The following MRPL45 variants were observed in gnomAD, a reference collection of about 807,000 sequenced individuals.
MRPL45 encodes mitochondrial ribosomal protein L45.
In MRPL45, 20 loss-of-function variants were observed where a neutral mutation model predicts 38.1. The observed-to-expected ratio is 0.53, with a 90% CI of 0.37 to 0.76. MRPL45 has a LOEUF of 0.76. MRPL45 is among the 30% of genes least tolerant of loss of function. The pLI, the probability that MRPL45 is intolerant of heterozygous loss-of-function variation, is 0.00. For missense variants in MRPL45, 337 were observed against 395.6 expected, an observed-to-expected ratio of 0.85 and a Z score of 1.26; for synonymous variants, 105 against 128.8, an observed-to-expected ratio of 0.82 and a Z score of 1.25.
intron 4 of MRPL45, among the ~76,000 whole-genome samples, chr17:38,317,430 C>T (rs978790867): frequency 3.9e-5 from 6 of 152,142 alleles, no homozygotes; most frequent in African/African-American, 1.4e-4. Context: ...TTAAACTGCT[C>T]ATAGTAAACT....
At position 38,322,494 on chromosome 17, in the gene MRPL45, G is replaced by A. The variant is rs539624937; in HGVS notation, c.835-15G>A. ...GGGCTTGGTTGGTGGGTAACCTGGC[G>A]TCCTACTCTTTCAGACGGTGATGAT... On this transcript the variant is annotated splice_polypyrimidine_tract_variant and intron_variant, in intron 7 of 7. Coordinates refer to ENST00000613675, the MANE Select transcript of MRPL45 (RefSeq NM_032351.6). 154 of 1,611,310 alleles carry A rather than the reference G, an allele frequency of 9.6e-5. 3 individuals carry two copies. In the South Asian group the frequency reaches 1.4e-3, roughly 14 times the overall value.
Position 38,322,566 on chromosome 17 carries a change from G to A in MRPL45, c.892G>A (p.Gly298Arg). ...KPEEEYEEAQ[G>R]EAQKPQLA is the part of the protein sequence containing the mutation. ...AGAAGAAGAATATGAAGAGGCACAAGGAGAGGCCCAGAAGCCTCAGCTAGC... is the reference window on the plus strand; with the variant it reads ...AGAAGAAGAATATGAAGAGGCACAAAGAGAGGCCCAGAAGCCTCAGCTAGC... The change falls in exon 8 of 8, where the codon GGA (glycine) becomes AGA (arginine). Residue 298 changes from glycine to arginine, a missense_variant. Transcript: ENST00000613675. 3 of 1,613,420 alleles carry A rather than the reference G, an allele frequency of 1.9e-6. No individual in the cohort carries two copies. The highest frequency in any genetic ancestry group is 2.2e-5 in the East Asian group (1 of 44,896).
rs763509558 is a variant in MRPL45 at position 38,320,805 on chromosome 17, C to A, written c.660+38C>A. On this transcript the variant is annotated intron_variant, in intron 6 of 7. Coordinates refer to ENST00000613675, the MANE Select transcript of MRPL45 (RefSeq NM_032351.6). Reference sequence around the variant, plus strand: ...GTCTGCCTTCCTCCCAGCTTTTTTTCACTCTGAGCTTGGGCACCTCCCTCT... The same window carrying A: ...GTCTGCCTTCCTCCCAGCTTTTTTTAACTCTGAGCTTGGGCACCTCCCTCT... 3.1e-6 allele frequency: 5 copies of A among 1,609,198 alleles called. No homozygotes were observed. In the East Asian group the frequency reaches 1.1e-4, roughly 36 times the overall value.
At chr17:38,317,049 G>C (rs1402682252) in intron 4 of MRPL45, among the ~76,000 whole-genome samples, 2 of 152,114 alleles carry the variant, frequency 1.3e-5, no homozygotes, top group East Asian at 3.9e-4. Context: ...GCCCACCTTG[G>C]CCTCCCAAAG....
chr17:38,310,977 A>T (rs1390974065), intron 4 of MRPL45, among the ~76,000 whole-genome samples: 1 of 152,162 alleles, frequency 6.6e-6, no homozygotes, highest in Admixed American at 6.6e-5. Context: ...TATTTTAAAA[A>T]TTATAAGATT....
At chr17:38,311,853 G>C (rs2144222984) in intron 4 of MRPL45, among the ~76,000 whole-genome samples, 1 of 152,148 alleles carries the variant, frequency 6.6e-6, no homozygotes, top group East Asian at 1.9e-4. Flanking sequence ...AGAAATAAAT[G>C]TTGTTTATAA....
intron 3 of MRPL45, among the ~76,000 whole-genome samples, chr17:38,302,620 G>A (rs1395934707): frequency 1.3e-5 from 2 of 151,048 alleles, no homozygotes; most frequent in East Asian, 3.9e-4. Context: ...AGAGTATAAA[G>A]GGGTGTCAGA....
intron 6 of MRPL45, among the ~76,000 whole-genome samples, chr17:38,321,367 AGAATTCC>A (rs1398149085): frequency 6.6e-6 from 1 of 152,222 alleles, no homozygotes; most frequent in Non-Finnish European, 1.5e-5. Flanking sequence ...TCCTAGATTC[AGAATTCC>A]GAGATAACTT....
chr17:38,303,559 G>A (rs1190495822), intron 3 of MRPL45, among the ~76,000 whole-genome samples: 2 of 151,942 alleles, frequency 1.3e-5, no homozygotes, highest in East Asian at 3.9e-4. Flanking sequence ...CTCCCAAAGT[G>A]CTAGGATTAC....
intron 1 of MRPL45, among the ~76,000 whole-genome samples, chr17:38,297,713 A>T (rs1004354108): frequency 3.3e-5 from 5 of 152,150 alleles, no homozygotes; most frequent in Non-Finnish European, 1.5e-5. Context: ...GACAGAATAA[A>T]GTTTACAGCG....
At chr17:38,305,886 A>G (rs909724946) in intron 3 of MRPL45, among the ~76,000 whole-genome samples, 1 of 150,932 alleles carries the variant, frequency 6.6e-6, no homozygotes, top group African/African-American at 2.4e-5. Flanking sequence ...CAAGTGATCT[A>G]CCTGCCTCGG....
chr17:38,315,803 A>T (rs1597654227), intron 4 of MRPL45, among the ~76,000 whole-genome samples: 3 of 126,096 alleles, frequency 2.4e-5, no homozygotes, highest in South Asian at 2.4e-4. Flanking sequence ...ATGGAGCTTT[A>T]CTCTTGTTTC....
intron 5 of MRPL45, among the ~76,000 whole-genome samples, chr17:38,319,104 C>T (rs1425048619): frequency 6.6e-6 from 1 of 151,408 alleles, no homozygotes; most frequent in Non-Finnish European, 1.5e-5. Flanking sequence ...GGCGCTATCT[C>T]GGCTCACTGC....
rs376456943 is a variant in MRPL45, at chr17:38,298,499, A to G, written c.117A>G (p.Lys39=). The change falls in exon 2 of 8, where the codon AAA becomes AAG. Residue 39 remains lysine, a synonymous_variant. Transcript: ENST00000613675. ...CTATAGTTCCAGTAAGAACTAAAAA[A>G]CGTTTCACACCTCCTATTTATCAAC... ...SAAIVPVRTK[K]RFTPPIYQPK... is the part of the protein sequence containing the mutation. 6.2e-7 allele frequency: 1 copy of G among 1,613,832 alleles called. No individual in the cohort carries two copies. The highest frequency in any genetic ancestry group is 1.3e-5 in the African/African-American group (1 of 74,914).
intron 4 of MRPL45, among the ~76,000 whole-genome samples, chr17:38,317,303 G>A (rs1182084821): frequency 6.6e-6 from 1 of 152,156 alleles, no homozygotes; most frequent in African/African-American, 2.4e-5. Flanking sequence ...TAGAGGAAAT[G>A]ACTTGGAATC....
intron 4 of MRPL45, among the ~76,000 whole-genome samples, chr17:38,309,313 G>A (rs1176181277): frequency 5.5e-5 from 8 of 145,798 alleles, no homozygotes; most frequent in South Asian, 2.4e-4. Flanking sequence ...TCAGGAGTTC[G>A]AAACCAGCCT....
Position 38,322,175 on chromosome 17 carries a change from A to G in MRPL45, c.710A>G (p.Asp237Gly). 6.2e-7 allele frequency: 1 copy of G among 1,614,138 alleles called. No individual in the cohort carries two copies. The highest frequency in any genetic ancestry group is 8.5e-7 in the Non-Finnish European group (1 of 1,180,014). ...GGCCGGTTGATGTATGGACAGGAAG[A>G]TGTACCCAAGGATGTCCTGGAGTAT... The part of the protein sequence containing the change: ...RFGRLMYGQE[D>G]VPKDVLEYVV... Residue 237 changes from aspartate to glycine, a missense_variant, in exon 7 of 8, where the codon GAT (aspartate) becomes GGT (glycine). This residue lies in a region of MRPL45 where 251 missense variants were observed against 269.1 expected (regional missense o/e 0.93). Coordinates refer to ENST00000613675, the MANE Select transcript of MRPL45 (RefSeq NM_032351.6).
At chr17:38,319,869 G>A (rs1391084628) in intron 5 of MRPL45, among the ~76,000 whole-genome samples, 2 of 152,312 alleles carry the variant, frequency 1.3e-5, no homozygotes, top group South Asian at 2.1e-4. Context: ...TTGGGAGGCC[G>A]AGGCGGGCGG....
intron 3 of MRPL45, 145 bp from the exon 4 acceptor site, chr17:38,306,388 G>C (rs1481360250): frequency 3.7e-6 from 3 of 800,330 alleles, no homozygotes; most frequent in African/African-American, 3.7e-5. Context: ...CAGCCTGGGT[G>C]ACAGAGCGAG....
Sources: gnomAD v4.1 joint callset for allele counts (sites outside exome capture counted in the v4.1 genomes callset) on GRCh38, gnomAD v4.1.1 for gene constraint, gnomAD v4.1.1 regional missense constraint, MANE v1.5 for transcripts, NCBI Gene and HGNC (gene_info 2026-07-23, HGNC 2026-07-21) for gene names.